The following HPSE2 variants were observed in gnomAD, a reference collection of about 807,000 sequenced individuals.
HPSE2 encodes heparanase 2 (inactive).
Under a neutral mutation model 60.5 loss-of-function variants are expected in HPSE2, and 38 were observed. That is an observed-to-expected ratio of 0.63 (90% CI 0.48 to 0.82). HPSE2 has a LOEUF of 0.82. HPSE2 is among the 40% of genes least tolerant of loss of function. The probability of loss-of-function intolerance (pLI) is 0.00; values close to 1 mark genes in which losing one functional copy is unlikely to be tolerated. For missense variants in HPSE2, 713 were observed against 740.4 expected, an observed-to-expected ratio of 0.96 and a Z score of 0.43; for synonymous variants, 295 against 293.2, an observed-to-expected ratio of 1.01 and a Z score of -0.06.
the HPSE2 span, among the ~76,000 whole-genome samples, chr10:99,273,215 T>C: frequency 6.6e-6 from 1 of 152,080 alleles, no homozygotes. Context: ...GGAGCTAAGT[T>C]GTGAGGATGC....
chr10:99,305,979 G>GCGCACACACACACACA, the HPSE2 span, among the ~76,000 whole-genome samples: 2,467 of 80,278 alleles, frequency 0.031, 83 homozygotes, highest in Non-Finnish European at 0.042. Flanking sequence ...GCGCGCGCGC[G>GCGCACACACACACACA]CACACACACA....
At chr10:98,925,913 A>G (rs934151820) in intron 3 of HPSE2, among the ~76,000 whole-genome samples, 1 of 151,980 alleles carries the variant, frequency 6.6e-6, no homozygotes, top group African/African-American at 2.4e-5. Context: ...AACCCAGGGA[A>G]CTCACCATCA....
At chr10:99,177,773 G>A (rs1056436657) in intron 2 of HPSE2, among the ~76,000 whole-genome samples, 3 of 152,144 alleles carry the variant, frequency 2.0e-5, no homozygotes, top group African/African-American at 7.2e-5. Context: ...CAAGCGACCT[G>A]ATAGACATCT....
chr10:98,535,164 T>C (rs1943245598), intron 9 of HPSE2, among the ~76,000 whole-genome samples: 1 of 152,204 alleles, frequency 6.6e-6, no homozygotes, highest in South Asian at 2.1e-4. Context: ...TTTCTTAGCT[T>C]TTAGATAATA....
intron 3 of HPSE2, among the ~76,000 whole-genome samples, chr10:98,981,242 A>G (rs947956704): frequency 2.0e-5 from 3 of 152,190 alleles, no homozygotes; most frequent in African/African-American, 7.2e-5. Flanking sequence ...TTTTAAAACA[A>G]TTTAATTCCT....
chr10:99,295,297 G>A, the HPSE2 span, among the ~76,000 whole-genome samples: 1 of 152,056 alleles, frequency 6.6e-6, no homozygotes, highest in Non-Finnish European at 1.5e-5. Flanking sequence ...GTAGAACCAG[G>A]AAATAATCCA....
chr10:98,793,639 GAAGAT>G (rs1293515708), intron 3 of HPSE2, among the ~76,000 whole-genome samples: 1 of 152,204 alleles, frequency 6.6e-6, no homozygotes, highest in African/African-American at 2.4e-5. Flanking sequence ...TAAGTCACAT[GAAGAT>G]AAGAAAACAG....
intron 3 of HPSE2, among the ~76,000 whole-genome samples, chr10:98,838,171 T>C (rs1219367856): frequency 6.6e-6 from 1 of 152,170 alleles, no homozygotes; most frequent in Non-Finnish European, 1.5e-5. Context: ...CAAATCCTCT[T>C]GTGACTTGTG....
intron 3 of HPSE2, among the ~76,000 whole-genome samples, chr10:99,061,433 G>T (rs541439796): frequency 5.3e-5 from 8 of 152,158 alleles, no homozygotes; most frequent in African/African-American, 1.9e-4. Flanking sequence ...TGTAGCTGGG[G>T]TTTGTTTTCA....
chr10:98,908,708 A>AT (rs1953896193), intron 3 of HPSE2, among the ~76,000 whole-genome samples: 2 of 150,170 alleles, frequency 1.3e-5, no homozygotes, highest in Non-Finnish European at 3.0e-5. Context: ...AAAAAAAAAA[A>AT]AGATGGTATA....
upstream of HPSE2, among the ~76,000 whole-genome samples, chr10:99,238,656 T>C (rs1240455798): frequency 2.6e-5 from 4 of 152,234 alleles, no homozygotes; most frequent in African/African-American, 9.6e-5. Flanking sequence ...TCTCCAGAGA[T>C]ACTCTGCAAA....
intron 3 of HPSE2, among the ~76,000 whole-genome samples, chr10:99,116,286 T>A (rs901531600): frequency 6.6e-6 from 1 of 152,112 alleles, no homozygotes; most frequent in Admixed American, 6.6e-5. Context: ...GGAATTAAAG[T>A]TGTCCAACCA....
At chr10:99,136,777 C>A (rs968933442) in intron 3 of HPSE2, among the ~76,000 whole-genome samples, 9 of 152,142 alleles carry the variant, frequency 5.9e-5, no homozygotes, top group Non-Finnish European at 1.2e-4. Context: ...AATCCACAAC[C>A]AATATCATAC....
At chr10:99,266,233 G>A in the HPSE2 span, among the ~76,000 whole-genome samples, 3 of 152,202 alleles carry the variant, frequency 2.0e-5, no homozygotes, top group African/African-American at 7.2e-5. Flanking sequence ...TTCTCAGCCA[G>A]GAGGCTGGTT....
chr10:98,942,994 C>T (rs1047764331), intron 3 of HPSE2, among the ~76,000 whole-genome samples: 25 of 147,738 alleles, frequency 1.7e-4, no homozygotes, highest in South Asian at 4.2e-4. Flanking sequence ...AAAAACCAAA[C>T]GCTGCATGTT....
At chr10:98,502,609 A>C (rs988597231) in intron 9 of HPSE2, among the ~76,000 whole-genome samples, 2 of 152,216 alleles carry the variant, frequency 1.3e-5, no homozygotes, top group African/African-American at 4.8e-5. Flanking sequence ...AGAAGACAAC[A>C]TTGGAAAAAT....
chr10:99,135,909 T>C (rs928445228), intron 3 of HPSE2, among the ~76,000 whole-genome samples: 53 of 151,722 alleles, frequency 3.5e-4, no homozygotes, highest in African/African-American at 1.3e-3. Flanking sequence ...CTGAGGGAGA[T>C]AGAGACATGA....
the HPSE2 span, among the ~76,000 whole-genome samples, chr10:99,290,132 A>T: frequency 6.6e-6 from 1 of 152,056 alleles, no homozygotes; most frequent in East Asian, 1.9e-4. Context: ...GATTAAAATT[A>T]TTTTTTTTAA....
At chr10:99,281,602 G>C in the HPSE2 span, among the ~76,000 whole-genome samples, 1 of 151,996 alleles carries the variant, frequency 6.6e-6, no homozygotes, top group East Asian at 1.9e-4. Flanking sequence ...TATGCTACTT[G>C]GGAAGTTTCT....
Sources: allele counts gnomAD v4.1 joint callset (sites outside exome capture counted in the v4.1 genomes callset), GRCh38; gene constraint gnomAD v4.1.1; transcripts MANE v1.5; gene names NCBI Gene and HGNC (gene_info 2026-07-23, HGNC 2026-07-21).